Variants in PTPRZ1 observed in about 807,000 individuals in gnomAD.
PTPRZ1 encodes protein tyrosine phosphatase receptor type Z1.
Under a neutral mutation model 214.1 loss-of-function variants are expected in PTPRZ1, and 82 were observed. The observed-to-expected ratio is 0.38, with a 90% CI of 0.32 to 0.46. The LOEUF (loss-of-function observed/expected upper bound fraction) is 0.46, where lower values mean the gene tolerates loss of function less well. Among genes scored for constraint, PTPRZ1 ranks in the 20% least tolerant of loss-of-function variants. The pLI, the probability that PTPRZ1 is intolerant of heterozygous loss-of-function variation, is 1.00. For synonymous variants in PTPRZ1, 945 were observed against 987.9 expected (o/e 0.96, Z 0.81); for missense variants, 2,603 against 2,748.7 (o/e 0.95, Z 1.19).
intron 6 of PTPRZ1, 125 bp downstream of exon 6, chr7:121,976,976 C>A: frequency 1.6e-6 from 1 of 610,244 alleles, no homozygotes; most frequent in Non-Finnish European, 2.7e-6. Context: ...GAGGAGCAAT[C>A]TCTCACTTTC....
intron 1 of PTPRZ1, among the ~76,000 whole-genome samples, chr7:121,895,728 C>G (rs1794766821): frequency 6.6e-6 from 1 of 152,174 alleles, no homozygotes; most frequent in African/African-American, 2.4e-5. Flanking sequence ...AAGGCGTTGG[C>G]AGCCTACAGT....
intron 12 of PTPRZ1, among the ~76,000 whole-genome samples, chr7:122,017,430 T>C (rs550917605): frequency 2.0e-5 from 3 of 152,128 alleles, no homozygotes; most frequent in African/African-American, 7.2e-5. Context: ...AGTTTTATGA[T>C]TTTTAATCAC....
intron 2 of PTPRZ1, among the ~76,000 whole-genome samples, chr7:121,933,829 C>T (rs1026637626): frequency 7.9e-5 from 12 of 152,172 alleles, no homozygotes; most frequent in Non-Finnish European, 1.5e-4. Flanking sequence ...AGAATAATGA[C>T]GGATTTTTGG....
chr7:121,954,555 T>C (rs1053666535), intron 2 of PTPRZ1, among the ~76,000 whole-genome samples: 1 of 152,244 alleles, frequency 6.6e-6, no homozygotes, highest in East Asian at 1.9e-4. Context: ...GGTATCTCTC[T>C]TTGGTGTCCC....
At chr7:121,986,621 T>TA (rs1797769599) in intron 8 of PTPRZ1, among the ~76,000 whole-genome samples, 1 of 152,212 alleles carries the variant, frequency 6.6e-6, no homozygotes. Flanking sequence ...ACTATGTGTG[T>TA]ATATTGTCAC....
chr7:121,876,709 T>C (rs902640740), intron 1 of PTPRZ1, among the ~76,000 whole-genome samples: 2 of 152,242 alleles, frequency 1.3e-5, no homozygotes, highest in African/African-American at 4.8e-5. Context: ...CAATTTTCTT[T>C]ATTTCATTTC....
chr7:122,007,341 C>A (rs1483614938), intron 11 of PTPRZ1, among the ~76,000 whole-genome samples: 2 of 152,030 alleles, frequency 1.3e-5, no homozygotes, highest in Non-Finnish European at 2.9e-5. Context: ...GGGGAGGGAA[C>A]CAGCTACCAC....
intron 8 of PTPRZ1, among the ~76,000 whole-genome samples, chr7:121,993,589 A>C (rs1291607610): frequency 6.6e-6 from 1 of 151,482 alleles, no homozygotes; most frequent in African/African-American, 2.4e-5. Flanking sequence ...AAAAAAAAAA[A>C]AAAAACACAA....
chr7:121,949,400 C>T (rs1178608059), intron 2 of PTPRZ1, among the ~76,000 whole-genome samples: 2 of 152,052 alleles, frequency 1.3e-5, no homozygotes, highest in Non-Finnish European at 2.9e-5. Flanking sequence ...AAGTACCACG[C>T]ACATATGAAT....
intron 4 of PTPRZ1, among the ~76,000 whole-genome samples, chr7:121,973,124 A>C (rs1797309169): frequency 6.6e-6 from 1 of 152,170 alleles, no homozygotes. Context: ...TCTGGGAAGC[A>C]GTTTGCTTGT....
intron 2 of PTPRZ1, among the ~76,000 whole-genome samples, chr7:121,965,530 A>G (rs1453602441): frequency 3.3e-5 from 5 of 152,128 alleles, no homozygotes; most frequent in African/African-American, 7.2e-5. Flanking sequence ...AATCTCCTAC[A>G]TTTTGAGTCT....
intron 19 of PTPRZ1, 99 bp from the exon 20 acceptor site, chr7:122,039,355 C>T: frequency 7.8e-7 from 1 of 1,275,370 alleles, no homozygotes; most frequent in Non-Finnish European, 1.1e-6. Flanking sequence ...GTGAAGGAGT[C>T]CATTCCTGTC....
intron 13 of PTPRZ1, among the ~76,000 whole-genome samples, chr7:122,026,513 G>C (rs1283434430): frequency 6.6e-6 from 1 of 152,126 alleles, no homozygotes; most frequent in Admixed American, 6.6e-5. Context: ...CCACAATCTG[G>C]TTTCATTTCT....
chr7:121,879,471 A>G (rs960563513), intron 1 of PTPRZ1, among the ~76,000 whole-genome samples: 8 of 152,216 alleles, frequency 5.3e-5, no homozygotes, highest in African/African-American at 1.9e-4. Context: ...CTAGTCAAGA[A>G]GGCCGTAAGA....
intron 29 of PTPRZ1, among the ~76,000 whole-genome samples, chr7:122,060,223 C>T (rs1227257640): frequency 6.6e-6 from 1 of 152,154 alleles, no homozygotes; most frequent in Non-Finnish European, 1.5e-5. Context: ...CTTCAAAGCT[C>T]CAGCCTAGAC....
chr7:121,894,936 A>G (rs1794743803), intron 1 of PTPRZ1, among the ~76,000 whole-genome samples: 1 of 152,182 alleles, frequency 6.6e-6, no homozygotes, highest in Non-Finnish European at 1.5e-5. Context: ...AAAGTGAAAG[A>G]TACGCTAAAT....
In PTPRZ1 at chr7:122,047,818, AT is replaced by A. The variant is rs58100091; in HGVS notation, c.6084+3256del. On this transcript the variant is annotated intron_variant, in intron 23 of 29. Coordinates refer to ENST00000393386, the MANE Select transcript of PTPRZ1 (RefSeq NM_002851.3). ...AAGTGTACACAACCACGCCTGGTTA[AT>A]TTTTTAAATGTTTTTTGTAGAGATG... 4.8e-3 allele frequency among the ~76,000 whole-genome samples: 730 copies of A among 151,992 alleles called. 7 individuals are homozygous for A. The highest frequency in any genetic ancestry group is 0.017 in the African/African-American group (699 of 41,460).
At chr7:121,916,636 T>C (rs188097177) in intron 1 of PTPRZ1, among the ~76,000 whole-genome samples, 1 of 152,376 alleles carries the variant, frequency 6.6e-6, no homozygotes, top group East Asian at 1.9e-4. Context: ...GTTGTTCCTC[T>C]GAGTGCAATA....
At chr7:122,041,107 C>A in intron 21 of PTPRZ1, 128 bp downstream of exon 21, 2 of 857,792 alleles carry the variant, frequency 2.3e-6, no homozygotes, top group South Asian at 3.7e-5. Flanking sequence ...ATTATATGTT[C>A]ATTTTCATAA....
Sources: allele counts gnomAD v4.1 joint callset (sites outside exome capture counted in the v4.1 genomes callset), GRCh38; gene constraint gnomAD v4.1.1; transcripts MANE v1.5; gene names NCBI Gene and HGNC (gene_info 2026-07-23, HGNC 2026-07-21).